ST3GAL1: variants seen among roughly 807,000 people sequenced by gnomAD.
ST3GAL1 encodes CMP-N-acetylneuraminate-beta-galactosamide-alpha-2,3-sialyltransferase 1.
ST3GAL1 carries 16 observed loss-of-function variants against 34.1 expected under a neutral mutation model. That is an observed-to-expected ratio of 0.47 (90% confidence interval 0.32 to 0.71). The LOEUF (loss-of-function observed/expected upper bound fraction) is 0.71. Among genes scored for constraint, ST3GAL1 ranks in the 30% least tolerant of loss-of-function variants. The pLI is 0.04. For synonymous variants in ST3GAL1, 191 were observed against 184.7 expected (o/e 1.03, Z -0.28); for missense variants, 353 against 447.4 (o/e 0.79, Z 1.90).
intron 3 of ST3GAL1, among the ~76,000 whole-genome samples, chr8:133,483,403 C>CA (rs1199899617): frequency 6.6e-6 from 1 of 152,146 alleles, no homozygotes; most frequent in Non-Finnish European, 1.5e-5. Context: ...TGGCCTTGCA[C>CA]AAAAGTGAAC....
In ST3GAL1 at chr8:133,458,388, T is replaced by C. The variant is rs2142306; in HGVS notation, c.*1376A>G. ...GTAAGAAGATGAGGTATGTGGCAGTTACCATTCCTGGGATGTCCTTGACCC... is the reference window on the plus strand; with the variant it reads ...GTAAGAAGATGAGGTATGTGGCAGTCACCATTCCTGGGATGTCCTTGACCC... On this transcript the variant is annotated 3_prime_UTR_variant, in exon 10 of 10. Transcript: ENST00000522652. The C allele has an allele frequency of 0.47, 71,070 of 152,000 alleles. 17,341 individuals carry two copies. The highest frequency in any genetic ancestry group is 0.61 in the African/African-American group (25,247 of 41,428). 9.4% of individuals were successfully genotyped at this position (152,000 alleles called of 1,614,324 possible). A position where few individuals can be genotyped will look rare whatever the true frequency, so the allele number is the denominator to read the frequency against.
chr8:133,538,889 C>A (rs538697191), intron 2 of ST3GAL1, among the ~76,000 whole-genome samples: 2 of 151,284 alleles, frequency 1.3e-5, no homozygotes, highest in East Asian at 3.9e-4. Context: ...GCCTTCACAG[C>A]GCAGCCCCCC....
At chr8:133,464,262 A>ACGTG (rs1815640026) in intron 7 of ST3GAL1, among the ~76,000 whole-genome samples, 2 of 152,148 alleles carry the variant, frequency 1.3e-5, no homozygotes, top group Non-Finnish European at 2.9e-5. Flanking sequence ...GCCGAGTGCC[A>ACGTG]CGTGCGGTGT....
At chr8:133,470,512 A>G (rs1334988595) in intron 5 of ST3GAL1, among the ~76,000 whole-genome samples, 1 of 152,116 alleles carries the variant, frequency 6.6e-6, no homozygotes, top group African/African-American at 2.4e-5. Flanking sequence ...CTTCCAGACT[A>G]GTTTCCAAGT....
intron 2 of ST3GAL1, among the ~76,000 whole-genome samples, chr8:133,534,784 T>C (rs950696393): frequency 8.5e-5 from 13 of 152,126 alleles, no homozygotes; most frequent in African/African-American, 2.9e-4. Flanking sequence ...AACCAGCAGC[T>C]GGGCTGGCTC....
intron 8 of ST3GAL1, 60 bp downstream of exon 8, chr8:133,463,353 GA>G: frequency 6.3e-7 from 1 of 1,593,710 alleles, no homozygotes; most frequent in Non-Finnish European, 8.6e-7. Flanking sequence ...CCGTACCTTA[GA>G]GCAGAGCCTT....
intron 1 of ST3GAL1, among the ~76,000 whole-genome samples, chr8:133,562,781 C>CTT (rs1819266953): frequency 8.5e-6 from 1 of 117,664 alleles, no homozygotes; most frequent in African/African-American, 2.9e-5. Flanking sequence ...AAAAGGGTTT[C>CTT]TTTCTTTCTT....
chr8:133,557,762 T>C (rs897477590), intron 1 of ST3GAL1, among the ~76,000 whole-genome samples: 9 of 152,040 alleles, frequency 5.9e-5, no homozygotes, highest in Non-Finnish European at 1.0e-4. Flanking sequence ...GCGGAAGAAT[T>C]GCTTGAATCC....
intron 2 of ST3GAL1, among the ~76,000 whole-genome samples, chr8:133,534,121 G>A (rs1818236193): frequency 6.6e-6 from 1 of 152,160 alleles, no homozygotes; most frequent in Non-Finnish European, 1.5e-5. Context: ...AGATTGCAAA[G>A]TGCAGAAAGC....
At chr8:133,528,674 G>T (rs1818047500) in intron 2 of ST3GAL1, among the ~76,000 whole-genome samples, 2 of 152,218 alleles carry the variant, frequency 1.3e-5, no homozygotes, top group South Asian at 4.1e-4. Flanking sequence ...GCTGCTTTGT[G>T]CTACAACAGC....
chr8:133,478,386 GA>G (rs1256177939), intron 3 of ST3GAL1, among the ~76,000 whole-genome samples: 2 of 152,158 alleles, frequency 1.3e-5, no homozygotes, highest in African/African-American at 4.8e-5. Flanking sequence ...TTGACATGTG[GA>G]ACATCCTGCT....
chr8:133,540,958 T>TATATATAGACATATATATAGAC (rs1818485172), intron 2 of ST3GAL1, among the ~76,000 whole-genome samples: 2 of 71,566 alleles, frequency 2.8e-5, no homozygotes, highest in Admixed American at 1.4e-4. Context: ...TATATAGACA[T>TATATATAGACATATATATAGAC]ATATATAGAC....
At chr8:133,529,363 G>A (rs1301004368) in intron 2 of ST3GAL1, among the ~76,000 whole-genome samples, 4 of 152,318 alleles carry the variant, frequency 2.6e-5, no homozygotes, top group African/African-American at 4.8e-5. Context: ...CTTATAGGTC[G>A]AAGGTGCTGC....
At position 133,465,926 on chromosome 8, in the gene ST3GAL1, C is replaced by A. The variant is rs779461205; in HGVS notation, c.471G>T (p.Gly157=). The A allele has an allele frequency of 6.2e-7, 1 of 1,613,976 alleles. No individual in the cohort carries two copies. Among genetic ancestry groups the A allele is most frequent in the African/African-American group, 1.3e-5 (1 of 74,930 alleles). The change falls in exon 6 of 10, where the codon GGG becomes GGT. Residue 157 remains glycine, a synonymous_variant. Coordinates refer to ENST00000522652, the MANE Select transcript of ST3GAL1 (RefSeq NM_173344.3). ...CAAAGTCGTGACTGTCTATCTCAGG[C>A]CCATAAGAAGACTCCCTCAGGTTGC... The part of the protein sequence containing the change: ...NSGNLRESSY[G]PEIDSHDFVL...
chr8:133,570,997 C>A lies in ST3GAL1; in HGVS notation c.-582+696G>T, dbSNP rs1440555491. ...CGTGCTCTCCTTGGCCCACCCGCGT[C>A]CCCCACTGTCCGCCACGCCGCGTTC... On this transcript the variant is annotated intron_variant, in intron 1 of 9. Coordinates refer to ENST00000522652, the MANE Select transcript of ST3GAL1 (RefSeq NM_173344.3). This position sits in a 1 kb window ranked among gnomAD's most constrained non-coding sequence, Gnocchi z 5.6. Among the ~76,000 whole-genome samples the A allele has an allele frequency of 6.6e-6, 1 of 152,246 alleles. No individual in the cohort carries two copies. Among genetic ancestry groups the A allele is most frequent in the Non-Finnish European group, 1.5e-5 (1 of 68,038 alleles).
chr8:133,486,848 T>C (rs1017843914), intron 3 of ST3GAL1, among the ~76,000 whole-genome samples: 1 of 152,210 alleles, frequency 6.6e-6, no homozygotes, highest in African/African-American at 2.4e-5. Flanking sequence ...AGTCAGCTCC[T>C]CATCTGTAAA....
At chr8:133,493,862 A>AAAG (rs1554614285) in intron 3 of ST3GAL1, among the ~76,000 whole-genome samples, 3 of 150,234 alleles carry the variant, frequency 2.0e-5, no homozygotes, top group East Asian at 2.0e-4. Context: ...AAAAAAAAAA[A>AAAG]AGAGAGAGAG....
intron 3 of ST3GAL1, among the ~76,000 whole-genome samples, chr8:133,493,008 C>A (rs897535741): frequency 6.6e-6 from 1 of 152,178 alleles, no homozygotes; most frequent in African/African-American, 2.4e-5. Context: ...TGGCCAAACA[C>A]CCTCATGGCC....
chr8:133,470,809 G>A (rs1489311963), intron 5 of ST3GAL1, among the ~76,000 whole-genome samples: 2 of 152,162 alleles, frequency 1.3e-5, no homozygotes, highest in African/African-American at 2.4e-5. Context: ...CCAGGGGCAC[G>A]GCCCGAGAGC....
Sources: allele counts gnomAD v4.1 joint callset (sites outside exome capture counted in the v4.1 genomes callset), GRCh38; gene constraint gnomAD v4.1.1; non-coding constraint Gnocchi (gnomAD v3.1); transcripts MANE v1.5; gene names NCBI Gene and HGNC (gene_info 2026-07-23, HGNC 2026-07-21).